Variants in GALNT8 observed in about 807,000 individuals in gnomAD.
The protein encoded by GALNT8 is polypeptide N-acetylgalactosaminyltransferase 8.
A neutral mutation model predicts 62.7 loss-of-function variants in GALNT8; 66 were observed. The ratio of observed to expected loss-of-function variants is 1.05; its 90% CI spans 0.86 to 1.29. The LOEUF (loss-of-function observed/expected upper bound fraction) is 1.29. Among genes scored for constraint, GALNT8 ranks in the 50% most tolerant of loss-of-function variants. The probability of loss-of-function intolerance (pLI) is 0.00; values close to 1 mark genes in which losing one functional copy is unlikely to be tolerated. For missense variants in GALNT8, 771 were observed against 791.8 expected (o/e 0.97, Z 0.32); for synonymous variants, 288 against 294.3 (o/e 0.98, Z 0.22).
At chr12:4,765,768 A>T (rs1250933545) in intron 10 of GALNT8, among the ~76,000 whole-genome samples, 1 of 152,178 alleles carries the variant, frequency 6.6e-6, no homozygotes, top group Non-Finnish European at 1.5e-5. Context: ...TTCTATGGCC[A>T]CTATGTCAAG....
At chr12:4,738,651 C>T (rs960107246) in intron 2 of GALNT8, among the ~76,000 whole-genome samples, 5 of 152,062 alleles carry the variant, frequency 3.3e-5, no homozygotes, top group African/African-American at 7.2e-5. Context: ...ATTGTGGGTG[C>T]GTGCCTATGT....
At chr12:4,764,130 C>T in intron 9 of GALNT8, 83 bp downstream of exon 9, 1 of 802,052 alleles carries the variant, frequency 1.2e-6, no homozygotes, top group South Asian at 1.3e-5. Context: ...GTCTGGACTC[C>T]GTGATACGTG....
intron 3 of GALNT8, among the ~76,000 whole-genome samples, chr12:4,743,439 A>G (rs1160355717): frequency 6.6e-6 from 1 of 152,226 alleles, no homozygotes. Flanking sequence ...TTTTACTGCC[A>G]TAGTCACTTA....
At chr12:4,735,800 G>C (rs1946242028) in intron 2 of GALNT8, among the ~76,000 whole-genome samples, 1 of 152,134 alleles carries the variant, frequency 6.6e-6, no homozygotes, top group East Asian at 1.9e-4. Context: ...TTCTAGAAGT[G>C]GGCTTCTGTC....
At chr12:4,758,631 T>A (rs1368445645) in intron 6 of GALNT8, among the ~76,000 whole-genome samples, 57 of 93,060 alleles carry the variant, frequency 6.1e-4, no homozygotes, top group African/African-American at 2.2e-3. Flanking sequence ...TGTGTGTGTG[T>A]GTGTGTGAGA....
Position 4,726,708 on chromosome 12 carries a change from G to A in GALNT8, c.388G>A (p.Glu130Lys), listed in dbSNP as rs1946197366. ...PHSQLFRQWG[E>K]DLSEAQQKAA... The stretch of plus-strand genomic sequence containing the variant: ...CTCACAGCTTTTCAGGCAATGGGGC[G>A]AGGATCTTTCTGAGGCCCAGCAGAA... The change falls in exon 2 of 11, where the codon GAG becomes AAG. Residue 130 changes from glutamate (E) to lysine (K), a missense_variant. Glu to Lys is a moderately conservative substitution (Grantham distance 56, BLOSUM62 1). Transcript: ENST00000252318. This position sits in a 1 kb window ranked among gnomAD's most constrained non-coding sequence, Gnocchi z 4.1. 4.3e-6 allele frequency: 7 copies of A among 1,613,942 alleles called. No individual in the cohort carries two copies. The South Asian group carries it at 4.4e-5, about 10-fold the overall frequency.
At chr12:4,767,110 G>T (rs545950013) in intron 10 of GALNT8, among the ~76,000 whole-genome samples, 1 of 151,852 alleles carries the variant, frequency 6.6e-6, no homozygotes, top group African/African-American at 2.4e-5. Context: ...CTCCCCTCCC[G>T]CTTCTTCACC....
chr12:4,724,510 C>A (rs1020487389), intron 1 of GALNT8, among the ~76,000 whole-genome samples: 13 of 152,332 alleles, frequency 8.5e-5, no homozygotes, highest in Admixed American at 7.8e-4. Flanking sequence ...GATATCCCCC[C>A]AAGGAAGAAC....
chr12:4,758,073 T>C (rs7305387), intron 6 of GALNT8, among the ~76,000 whole-genome samples: 60,179 of 152,072 alleles, frequency 0.4, 12,117 homozygotes, highest in Admixed American at 0.44. Flanking sequence ...TACAAGACAT[T>C]CTTTCTTTTA....
At chr12:4,770,583 A>T (rs1946419842) in intron 10 of GALNT8, among the ~76,000 whole-genome samples, 1 of 152,132 alleles carries the variant, frequency 6.6e-6, no homozygotes, top group Non-Finnish European at 1.5e-5. Context: ...ATTGGGTTAA[A>T]CATTTTCTCA....
chr12:4,723,086 A>G (rs1367483874), intron 1 of GALNT8, among the ~76,000 whole-genome samples: 1 of 152,226 alleles, frequency 6.6e-6, no homozygotes, highest in Non-Finnish European at 1.5e-5. Flanking sequence ...AAGACTCATC[A>G]TATTTTATTA....
rs1946313412 is a variant in GALNT8, at chr12:4,749,410, G to C, written c.1173+3152G>C. 1.3e-5 allele frequency among the ~76,000 whole-genome samples: 2 copies of C among 152,156 alleles called. No individual in the cohort carries two copies. The highest frequency in any genetic ancestry group is 4.8e-5 in the African/African-American group (2 of 41,450). On this transcript the variant is annotated intron_variant, in intron 6 of 10. Transcript: ENST00000252318. This position sits in a 1 kb window ranked among gnomAD's most constrained non-coding sequence, Gnocchi z 4.1. ...ATGCCTTTTCAGCGTCAATTGAAATGATCACATGGTTTTTGTCTTTCATCC... is the reference window on the plus strand; with the variant it reads ...ATGCCTTTTCAGCGTCAATTGAAATCATCACATGGTTTTTGTCTTTCATCC...
chr12:4,735,425 GT>G (rs2137524496), intron 2 of GALNT8, among the ~76,000 whole-genome samples: 1 of 152,248 alleles, frequency 6.6e-6, no homozygotes, highest in Admixed American at 6.5e-5. Context: ...TGGTCAAGAA[GT>G]GGGCTCCCTG....
intron 9 of GALNT8, among the ~76,000 whole-genome samples, chr12:4,764,838 C>G (rs1000124317): frequency 1.4e-5 from 2 of 141,070 alleles, no homozygotes; most frequent in South Asian, 4.8e-4. Flanking sequence ...AGGCTGGAGC[C>G]GCCGCACCTG....
At chr12:4,768,672 A>T (rs1223201230) in intron 10 of GALNT8, among the ~76,000 whole-genome samples, 1 of 152,188 alleles carries the variant, frequency 6.6e-6, no homozygotes, top group Admixed American at 6.5e-5. Context: ...CAAAAATTGA[A>T]AAGGGAGGTG....
intron 1 of GALNT8, among the ~76,000 whole-genome samples, chr12:4,722,757 C>G (rs866552525): frequency 6.6e-6 from 1 of 151,926 alleles, no homozygotes; most frequent in Non-Finnish European, 1.5e-5. Flanking sequence ...GGGAAAGTGT[C>G]TTTTAAAATG....
intron 6 of GALNT8, among the ~76,000 whole-genome samples, chr12:4,753,787 T>G (rs1223394363): frequency 6.6e-6 from 1 of 152,202 alleles, no homozygotes; most frequent in Non-Finnish European, 1.5e-5. Flanking sequence ...AGACTACTTA[T>G]TGTAGTCTTT....
chr12:4,740,140 G>A (rs1370481414), intron 3 of GALNT8, among the ~76,000 whole-genome samples: 1 of 152,126 alleles, frequency 6.6e-6, no homozygotes. Flanking sequence ...CTTCATAGTG[G>A]CAACAGCTCT....
At chr12:4,768,029 G>T (rs1156456865) in intron 10 of GALNT8, among the ~76,000 whole-genome samples, 6 of 152,058 alleles carry the variant, frequency 3.9e-5, no homozygotes, top group Non-Finnish European at 8.8e-5. Context: ...AACATGATGA[G>T]CTGTATTTAC....
Sources: allele counts gnomAD v4.1 joint callset (sites outside exome capture counted in the v4.1 genomes callset), GRCh38; gene constraint gnomAD v4.1.1; non-coding constraint Gnocchi (gnomAD v3.1); transcripts MANE v1.5; gene names NCBI Gene and HGNC (gene_info 2026-07-23, HGNC 2026-07-21).